Variants in PRMT1 observed in about 807,000 individuals in gnomAD.
The protein encoded by PRMT1 is protein arginine methyltransferase 1.
Under a neutral mutation model 47.4 loss-of-function variants are expected in PRMT1, and 5 were observed. That is an observed-to-expected ratio of 0.11 (90% CI 0.06 to 0.22). The LOEUF (loss-of-function observed/expected upper bound fraction) is 0.22. Among genes scored for constraint, PRMT1 ranks in the 10% least tolerant of loss-of-function variants. The pLI, the probability that PRMT1 is intolerant of heterozygous loss-of-function variation, is 1.00. For missense variants in PRMT1, 249 were observed against 518.4 expected (o/e 0.48, Z 5.05); for synonymous variants, 227 against 204.6 (o/e 1.11, Z -0.94).
Position 49,688,311 on chromosome 19 carries a change from C to CCTTCCTCTCCCT in PRMT1, c.*68_*79dup. 6.7e-7 allele frequency: 1 copy of CCTTCCTCTCCCT among 1,489,098 alleles called. No homozygotes were observed. The highest frequency in any genetic ancestry group is 1.1e-5 in the South Asian group (1 of 88,640). 92.2% of individuals were successfully genotyped at this position (1,489,098 alleles called of 1,614,324 possible). ...GTTCCTAGGCGGTTTCGGGGCTCCC[C>CCTTCCTCTCCCT]CTTCCTCTCCCTCCCTCCCGCAGAA... On this transcript the variant is annotated 3_prime_UTR_variant, in exon 11 of 11. Coordinates refer to ENST00000454376, the MANE Select transcript of PRMT1 (RefSeq NM_001536.6). The surrounding 1 kb of genome is among the most constrained non-coding windows in gnomAD (Gnocchi z 5.3).
chr19:49,680,275 T>C lies in PRMT1; in HGVS notation c.91-212T>C. The C allele has an allele frequency of 6.7e-7, 1 of 1,482,302 alleles. No individual in the cohort carries two copies. Among genetic ancestry groups the C allele is most frequent in the Non-Finnish European group, 9.4e-7 (1 of 1,067,230 alleles). The allele number at this position is 1,482,302 out of a possible 1,614,324, so 91.8% of individuals were successfully genotyped here. A position where few individuals can be genotyped will look rare whatever the true frequency, so the allele number is the denominator to read the frequency against. On this transcript the variant is annotated intron_variant, in intron 2 of 10. Transcript: ENST00000454376. This position sits in a 1 kb window ranked among gnomAD's most constrained non-coding sequence, Gnocchi z 4.2. ...TGAGGTATCGGGGTGCTCCCCTGGA[T>C]GGTGCTCTGGGGGGGTCCTGGAAGT...
At position 49,681,023 on chromosome 19, in the gene PRMT1, A is replaced by G. The variant is rs2082110872; in HGVS notation, c.192+435A>G. 6.6e-6 allele frequency among the ~76,000 whole-genome samples: 1 copy of G among 152,214 alleles called. No individual in the cohort carries two copies. The highest frequency in any genetic ancestry group is 6.5e-5 in the Admixed American group (1 of 15,286). On this transcript the variant is annotated intron_variant, in intron 3 of 10. Transcript: ENST00000454376. This position sits in a 1 kb window ranked among gnomAD's most constrained non-coding sequence, Gnocchi z 4.4. ...TTCTTTTCCCCCTGAGGCCTTTTTC[A>G]TAAAATTGTGGCAAAATATGCATAA...
chr19:49,685,454 G>A lies in PRMT1; in HGVS notation c.759+417G>A. 1.7e-6 allele frequency: 2 copies of A among 1,160,790 alleles called. No homozygotes were observed. Among genetic ancestry groups the A allele is most frequent in the South Asian group, 3.8e-5 (2 of 53,174 alleles). The allele number at this position is 1,160,790 out of a possible 1,614,324, so 71.9% of individuals were successfully genotyped here. On this transcript the variant is annotated intron_variant, in intron 8 of 10. Transcript: ENST00000454376. This position sits in a 1 kb window ranked among gnomAD's most constrained non-coding sequence, Gnocchi z 4.7. ...GGGCCTGGGAGTTCAAGGCTGCAGT[G>A]AGCTGTGATCACATCACTGCACTCC...
intron 10 of PRMT1, 186 bp from the exon 11 acceptor site, chr19:49,687,976 G>A (rs531388697): frequency 1.7e-5 from 11 of 642,414 alleles, no homozygotes; most frequent in South Asian, 1.4e-4. Flanking sequence ...GCTTGGGGGT[G>A]TCCATGTGGT....
chr19:49,677,398 A>C (rs770150352), intron 1 of PRMT1, 82 bp downstream of exon 1: 2 of 1,249,364 alleles, frequency 1.6e-6, no homozygotes, highest in Admixed American at 3.2e-5. Context: ...AAGGGCTCTA[A>C]GTTGGCGATA....
rs1331554631 is a variant in PRMT1 at position 49,681,120 on chromosome 19, G to C, written c.192+532G>C. Among the ~76,000 whole-genome samples the C allele has an allele frequency of 6.6e-6, 1 of 152,192 alleles. No homozygotes were observed. Among genetic ancestry groups the C allele is most frequent in the East Asian group, 1.9e-4 (1 of 5,194 alleles). ...GCTAGAGTGCATTGGTGCAATCATG[G>C]CTCACTGCAGCCTCGACCTCCCCGG... On this transcript the variant is annotated intron_variant, in intron 3 of 10. Transcript: ENST00000454376. The surrounding 1 kb of genome is among the most constrained non-coding windows in gnomAD (Gnocchi z 4.4).
At chr19:49,687,722 G>C (rs1013717131) in intron 10 of PRMT1, 6 of 214,106 alleles carry the variant, frequency 2.8e-5, no homozygotes, top group African/African-American at 4.5e-5. Context: ...AGGAGTCCTC[G>C]GGCGTTGGTG....
At position 49,680,489 on chromosome 19, in the gene PRMT1, G is replaced by A. The variant is rs1263264608; in HGVS notation, c.93G>A (p.Val31=). 1.9e-6 allele frequency: 3 copies of A among 1,613,534 alleles called. No individual in the cohort carries two copies. The highest frequency in any genetic ancestry group is 1.3e-5 in the African/African-American group (1 of 74,904). The change falls in exon 3 of 11, where the codon GTG becomes GTA. Residue 31 remains valine (V), a splice_region_variant and synonymous_variant. Transcript: ENST00000454376. This position sits in a 1 kb window ranked among gnomAD's most constrained non-coding sequence, Gnocchi z 4.2. ...GMSLQPPLEE[V]SCGQAESSEK... The stretch of plus-strand genomic sequence containing the variant: ...TGATCCCATCGGCCCCCTCCCAGGT[G>A]TCCTGTGGCCAGGCGGAAAGCAGTG...
chr19:49,680,220 CAGAG>C lies in PRMT1; in HGVS notation c.91-263_91-260del. 1.9e-6 allele frequency: 3 copies of C among 1,597,854 alleles called. No individual in the cohort carries two copies. The highest frequency in any genetic ancestry group is 2.6e-6 in the Non-Finnish European group (3 of 1,169,554). ...CTGTGGGCTGAGCTAGAGACGGGGT[CAGAG>C]AGACTGGAGAGATGGTAGGCGTGGC... On this transcript the variant is annotated intron_variant, in intron 2 of 10. Transcript: ENST00000454376. This position sits in a 1 kb window ranked among gnomAD's most constrained non-coding sequence, Gnocchi z 4.2.
Position 49,682,258 on chromosome 19 carries a change from C to T in PRMT1, c.411C>T (p.His137=), listed in dbSNP as rs368792906. The T allele has an allele frequency of 3.1e-5, 50 of 1,612,542 alleles. No homozygotes were observed. Among genetic ancestry groups the T allele is most frequent in the South Asian group, 5.5e-5 (5 of 91,028 alleles). Residue 137 remains histidine, a splice_region_variant and synonymous_variant, in exon 5 of 11, where the codon CAC becomes CAT. Transcript: ENST00000454376. ...VKIVKANKLD[H]VVTIIKGKVE... is the part of the protein sequence containing the mutation. ...TCGTCAAAGCCAACAAGTTAGACCA[C>T]GGTGAGCCCAGAAAGAGGATGGGTT...
Position 49,686,098 on chromosome 19 carries a change from G to A in PRMT1, c.765G>A (p.Val255=), listed in dbSNP as rs372428631. The A allele has an allele frequency of 3.7e-6, 6 of 1,613,070 alleles. No homozygotes were observed. The African/African-American group carries it at 6.7e-5, about 18-fold the overall frequency. ...CGCCCTCTCATGTCCTGCAGGAGGT[G>A]GACATCTATACCGTCAAGGTGGAAG... ...LVTNACLIKE[V]DIYTVKVEDL... is the part of the protein sequence containing the mutation. Residue 255 remains valine, a synonymous_variant, in exon 9 of 11, where the codon GTG becomes GTA. Coordinates refer to ENST00000454376, the MANE Select transcript of PRMT1 (RefSeq NM_001536.6).
At chr19:49,677,235 A>T, upstream of PRMT1, 1 of 1,401,424 alleles carries the variant, frequency 7.1e-7, no homozygotes. Context: ...GAGTGAGGAG[A>T]AAGGGGGGGT....
At chr19:49,679,682 T>C in intron 1 of PRMT1, 190 bp from the exon 2 acceptor site, 1 of 615,448 alleles carries the variant, frequency 1.6e-6, no homozygotes, top group South Asian at 1.6e-5. Flanking sequence ...GACCCCCCTT[T>C]CTTCTCCCCT....
intron 8 of PRMT1, 41 bp from the exon 9 acceptor site, chr19:49,686,052 G>A: frequency 6.3e-7 from 1 of 1,593,140 alleles, no homozygotes; most frequent in Non-Finnish European, 8.5e-7. Context: ...ATGAAGCGAG[G>A]TGGGGACGCA....
rs1302039361 is a variant in PRMT1 at position 49,684,629 on chromosome 19, G to GAA, written c.556-124_556-123insAA. 11 of 1,119,496 alleles carry GAA rather than the reference G, an allele frequency of 9.8e-6. No homozygotes were observed. The East Asian group carries it at 2.6e-4, about 27-fold the overall frequency. 69.3% of individuals were successfully genotyped at this position (1,119,496 alleles called of 1,614,324 possible). ...CCGTGTGGGAAATAGACCAGGGGGC[G>GAA]AGGGGTGAGTGCCGCTGCGACATGA... On this transcript the variant is annotated intron_variant, in intron 6 of 10. Coordinates refer to ENST00000454376, the MANE Select transcript of PRMT1 (RefSeq NM_001536.6). This position sits in a 1 kb window ranked among gnomAD's most constrained non-coding sequence, Gnocchi z 6.2.
intron 10 of PRMT1, among the ~76,000 whole-genome samples, chr19:49,687,507 G>A (rs1472520960): frequency 2.7e-5 from 4 of 148,682 alleles, no homozygotes; most frequent in South Asian, 4.2e-4. Context: ...TGCCCCCTCC[G>A]CTCCCCGCCC....
chr19:49,682,693 AC>A (rs1337120446), intron 5 of PRMT1, among the ~76,000 whole-genome samples: 1 of 149,640 alleles, frequency 6.7e-6, no homozygotes, highest in Non-Finnish European at 1.5e-5. Flanking sequence ...GGCTTCTTAC[AC>A]CTGCTTGTCA....
At position 49,686,484 on chromosome 19, in the gene PRMT1, G is replaced by T. The variant is rs895908559; in HGVS notation, c.911-121G>T. ...GTCTCCAAAGCTCAATGACAGGGAG[G>T]TGACTCGCGGATAGCAGTCCCATCA... On this transcript the variant is annotated intron_variant, in intron 9 of 10. Coordinates refer to ENST00000454376, the MANE Select transcript of PRMT1 (RefSeq NM_001536.6). The T allele has an allele frequency of 4.0e-6, 5 of 1,249,782 alleles. No individual in the cohort carries two copies. The African/African-American group carries it at 7.7e-5, about 19-fold the overall frequency. 77.4% of individuals were successfully genotyped at this position (1,249,782 alleles called of 1,614,324 possible). A position where few individuals can be genotyped will look rare whatever the true frequency, so the allele number is the denominator to read the frequency against.
In PRMT1 at chr19:49,688,109, C is replaced by A. The variant is rs2082238289; in HGVS notation, c.1033-53C>A. 6.6e-7 allele frequency: 1 copy of A among 1,524,230 alleles called. No homozygotes were observed. Among genetic ancestry groups the A allele is most frequent in the South Asian group, 1.1e-5 (1 of 89,248 alleles). The allele number at this position is 1,524,230 out of a possible 1,614,324, so 94.4% of individuals were successfully genotyped here. A position where few individuals can be genotyped will look rare whatever the true frequency, so the allele number is the denominator to read the frequency against. On this transcript the variant is annotated intron_variant, in intron 10 of 10. Transcript: ENST00000454376. This position sits in a 1 kb window ranked among gnomAD's most constrained non-coding sequence, Gnocchi z 5.3. ...TCGCATAGCCTGCCTGCACCCGCCC[C>A]CCGCCACCACCTCCTGGTGGGTTCC...
Sources: gnomAD v4.1 joint callset for allele counts (sites outside exome capture counted in the v4.1 genomes callset) on GRCh38, gnomAD v4.1.1 for gene constraint, Gnocchi (gnomAD v3.1) non-coding constraint, MANE v1.5 for transcripts, NCBI Gene and HGNC (gene_info 2026-07-23, HGNC 2026-07-21) for gene names.